Variants in UNC5C observed in about 807,000 individuals in gnomAD.
UNC5C encodes unc-5 netrin receptor C, also known as netrin receptor UNC5C.
UNC5C carries 47 observed loss-of-function variants against 99.8 expected under a neutral mutation model. The ratio of observed to expected loss-of-function variants is 0.47; its 90% CI spans 0.37 to 0.60. The LOEUF is 0.60. Among genes scored for constraint, UNC5C ranks in the 20% least tolerant of loss-of-function variants. The probability of loss-of-function intolerance (pLI) is 0.00; values close to 1 mark genes in which losing one functional copy is unlikely to be tolerated. For missense variants in UNC5C, 1,062 were observed against 1,165.9 expected (o/e 0.91, Z 1.30); for synonymous variants, 487 against 452.2 (o/e 1.08, Z -0.98).
intron 1 of UNC5C, among the ~76,000 whole-genome samples, chr4:95,383,575 C>T (rs1745131275): frequency 6.6e-6 from 1 of 152,136 alleles, no homozygotes. Flanking sequence ...AATCTGCTTA[C>T]CTTTTGCTAA....
chr4:95,297,305 C>A (rs1029998891), intron 3 of UNC5C, among the ~76,000 whole-genome samples: 2 of 152,172 alleles, frequency 1.3e-5, no homozygotes, highest in Non-Finnish European at 2.9e-5. Context: ...TGTATGACTC[C>A]ATTTCACAGT....
chr4:95,197,122 A>C lies in UNC5C; in HGVS notation c.2136+5609T>G, dbSNP rs1013471815. 1.5e-4 allele frequency among the ~76,000 whole-genome samples: 20 copies of C among 133,164 alleles called. 1 individual carries two copies. The highest frequency in any genetic ancestry group is 5.6e-4 in the African/African-American group (19 of 34,170). 87.4% of individuals were successfully genotyped at this position (133,164 alleles called of 152,430 possible). ...TTATATATTATATATGTAATTATAT[A>C]TCTATAGGATATATACTTATATAAA... On this transcript the variant is annotated intron_variant, in intron 12 of 15. Coordinates refer to ENST00000453304, the MANE Select transcript of UNC5C (RefSeq NM_003728.4).
intron 1 of UNC5C, among the ~76,000 whole-genome samples, chr4:95,482,798 G>A (rs1721202183): frequency 8.3e-6 from 1 of 120,802 alleles, no homozygotes; most frequent in African/African-American, 3.5e-5. Context: ...TCATAGATGG[G>A]AATTGAACAA....
intron 4 of UNC5C, among the ~76,000 whole-genome samples, chr4:95,272,033 A>G (rs1740684594): frequency 6.9e-6 from 1 of 144,276 alleles, no homozygotes; most frequent in Non-Finnish European, 1.5e-5. Flanking sequence ...TTACCTTCAG[A>G]TCTCAGCTCC....
chr4:95,213,787 A>C (rs1738155535), intron 10 of UNC5C, among the ~76,000 whole-genome samples: 1 of 152,234 alleles, frequency 6.6e-6, no homozygotes, highest in Non-Finnish European at 1.5e-5. Context: ...CTTCTTCCAA[A>C]GAAGTTCTGT....
At chr4:95,267,949 A>ATTTTTTTTTTTTTTTTTTTTTTTT (rs869293955) in intron 4 of UNC5C, among the ~76,000 whole-genome samples, 29 of 117,570 alleles carry the variant, frequency 2.5e-4, no homozygotes, top group African/African-American at 8.2e-4. Context: ...GAATTTTGTG[A>ATTTTTTTTTTTTTTTTTTTTTTTT]TTTTTTTTTT....
chr4:95,256,207 T>C (rs772073321), intron 4 of UNC5C, among the ~76,000 whole-genome samples: 4 of 151,124 alleles, frequency 2.6e-5, no homozygotes, highest in Non-Finnish European at 5.9e-5. Context: ...GCTCATCCAG[T>C]CTCACACAGA....
At chr4:95,209,111 C>T (rs187854662) in intron 10 of UNC5C, among the ~76,000 whole-genome samples, 1 of 152,250 alleles carries the variant, frequency 6.6e-6, no homozygotes, top group East Asian at 1.9e-4. Context: ...CTCATAGATC[C>T]TTTTCTGGAA....
intron 1 of UNC5C, among the ~76,000 whole-genome samples, chr4:95,545,772 G>GCGCACACACACACACACACACACA (rs6148582): frequency 6.7e-5 from 10 of 148,314 alleles, no homozygotes; most frequent in South Asian, 4.3e-4. Flanking sequence ...GCGCGCGCGC[G>GCGCACACACACACACACACACACA]CACACACACA....
At chr4:95,415,701 T>C (rs77986448) in intron 1 of UNC5C, among the ~76,000 whole-genome samples, 4,325 of 152,158 alleles carry the variant, frequency 0.028, 111 homozygotes, top group African/African-American at 0.056. Context: ...CCAAAACAAC[T>C]TGATGGTTAG....
chr4:95,171,844 C>T (rs1477778858), intron 14 of UNC5C, among the ~76,000 whole-genome samples: 1 of 151,998 alleles, frequency 6.6e-6, no homozygotes, highest in Non-Finnish European at 1.5e-5. Flanking sequence ...AACTAGTTTA[C>T]AGTCCCACCA....
At chr4:95,539,382 G>A (rs564183606) in intron 1 of UNC5C, among the ~76,000 whole-genome samples, 1 of 152,240 alleles carries the variant, frequency 6.6e-6, no homozygotes, top group South Asian at 2.1e-4. Flanking sequence ...GCACTAATGA[G>A]ACAAAAACAT....
chr4:95,435,852 T>C (rs1360127444), intron 1 of UNC5C, among the ~76,000 whole-genome samples: 1 of 152,116 alleles, frequency 6.6e-6, no homozygotes, highest in Non-Finnish European at 1.5e-5. Context: ...CCATCAGTTT[T>C]ATTAGGCTTC....
chr4:95,179,331 T>TTAAA (rs1334510534), intron 14 of UNC5C, among the ~76,000 whole-genome samples: 1 of 152,266 alleles, frequency 6.6e-6, no homozygotes, highest in African/African-American at 2.4e-5. Flanking sequence ...TACATTTATT[T>TTAAA]TAAATAAATA....
chr4:95,399,435 AT>A (rs1044210321), intron 1 of UNC5C, among the ~76,000 whole-genome samples: 3 of 152,320 alleles, frequency 2.0e-5, no homozygotes, highest in Non-Finnish European at 4.4e-5. Flanking sequence ...TGATTTTCAA[AT>A]TGGATTATGT....
chr4:95,358,371 T>A (rs1579355647), intron 1 of UNC5C, among the ~76,000 whole-genome samples: 1 of 152,184 alleles, frequency 6.6e-6, no homozygotes, highest in African/African-American at 2.4e-5. Context: ...ATAAACCACA[T>A]TTATTTCATC....
chr4:95,181,236 A>C (rs929126719), intron 14 of UNC5C, among the ~76,000 whole-genome samples: 28 of 152,196 alleles, frequency 1.8e-4, no homozygotes, highest in African/African-American at 6.8e-4. Context: ...CTCTTTGAGC[A>C]GACTGACACC....
chr4:95,510,766 T>A (rs1722050163), intron 1 of UNC5C, among the ~76,000 whole-genome samples: 1 of 152,164 alleles, frequency 6.6e-6, no homozygotes, highest in Non-Finnish European at 1.5e-5. Flanking sequence ...CATTAATGAA[T>A]GTTATATAAT....
intron 1 of UNC5C, among the ~76,000 whole-genome samples, chr4:95,515,699 C>T (rs1560491058): frequency 6.6e-6 from 1 of 152,164 alleles, no homozygotes; most frequent in African/African-American, 2.4e-5. Flanking sequence ...GGGGAAAAAA[C>T]ACCTACCACA....
Sources: gnomAD v4.1 joint callset for allele counts (sites outside exome capture counted in the v4.1 genomes callset) on GRCh38, gnomAD v4.1.1 for gene constraint, MANE v1.5 for transcripts, NCBI Gene and HGNC (gene_info 2026-07-23, HGNC 2026-07-21) for gene names.